The following LARS2 variants were observed in gnomAD, a reference collection of about 807,000 sequenced individuals.
LARS2 encodes the protein leucine--tRNA ligase, mitochondrial.
In LARS2, 81 loss-of-function variants were observed where a neutral mutation model predicts 116.6. The ratio of observed to expected loss-of-function variants is 0.69; its 90% CI spans 0.58 to 0.84. The LOEUF is 0.84. Among genes scored for constraint, LARS2 ranks in the 40% least tolerant of loss-of-function variants. The pLI, the probability that LARS2 is intolerant of heterozygous loss-of-function variation, is 0.00. For synonymous variants in LARS2, 396 were observed against 407.2 expected, an observed-to-expected ratio of 0.97 and a Z score of 0.33; for missense variants, 968 against 1,114.5, an observed-to-expected ratio of 0.87 and a Z score of 1.87.
intron 20 of LARS2, among the ~76,000 whole-genome samples, chr3:45,539,238 T>G (rs1331329477): frequency 6.6e-6 from 1 of 152,170 alleles, no homozygotes; most frequent in Admixed American, 6.6e-5. Context: ...AAGAAAAATC[T>G]TAAACTGATC....
chr3:45,491,254 G>GA (rs1559485952), intron 12 of LARS2, among the ~76,000 whole-genome samples: 1 of 152,034 alleles, frequency 6.6e-6, no homozygotes, highest in Non-Finnish European at 1.5e-5. Context: ...AAAATCAGAA[G>GA]AAAAAAATGA....
At chr3:45,530,939 G>A (rs534217333) in intron 20 of LARS2, among the ~76,000 whole-genome samples, 1 of 152,090 alleles carries the variant, frequency 6.6e-6, no homozygotes, top group African/African-American at 2.4e-5. Context: ...TTGAAATGTG[G>A]TTAAACTTAG....
At chr3:45,485,232 T>A (rs1699784934) in intron 10 of LARS2, among the ~76,000 whole-genome samples, 1 of 152,228 alleles carries the variant, frequency 6.6e-6, no homozygotes, top group African/African-American at 2.4e-5. Context: ...GTAGGAACTC[T>A]TTTGTCTTAG....
chr3:45,402,643 C>T (rs1698172855), intron 4 of LARS2, among the ~76,000 whole-genome samples: 1 of 152,176 alleles, frequency 6.6e-6, no homozygotes, highest in African/African-American at 2.4e-5. Context: ...AAAAGAGGGT[C>T]ACGTTGTAAT....
intron 6 of LARS2, among the ~76,000 whole-genome samples, chr3:45,429,886 G>A (rs901631799): frequency 1.3e-5 from 2 of 151,214 alleles, no homozygotes; most frequent in Admixed American, 1.3e-4. Flanking sequence ...ATTTTTTTTG[G>A]AGATGGGGTT....
intron 6 of LARS2, among the ~76,000 whole-genome samples, chr3:45,440,868 G>A (rs1191748392): frequency 1.3e-5 from 2 of 152,088 alleles, no homozygotes; most frequent in East Asian, 1.9e-4. Context: ...CTTTTTAGTC[G>A]AAAAGCCAAT....
intron 16 of LARS2, among the ~76,000 whole-genome samples, chr3:45,514,730 A>G (rs1407516630): frequency 6.6e-6 from 1 of 152,214 alleles, no homozygotes; most frequent in Non-Finnish European, 1.5e-5. Context: ...ACTTTTTCTA[A>G]CTTCTCAACT....
At chr3:45,481,773 A>G (rs1699707343) in intron 10 of LARS2, among the ~76,000 whole-genome samples, 1 of 152,134 alleles carries the variant, frequency 6.6e-6, no homozygotes, top group Non-Finnish European at 1.5e-5. Context: ...TCAGATACGT[A>G]ATCTACTAAG....
chr3:45,401,755 T>G (rs1434778434), intron 4 of LARS2, among the ~76,000 whole-genome samples: 2 of 152,076 alleles, frequency 1.3e-5, no homozygotes, highest in African/African-American at 4.8e-5. Context: ...GCTGGGACTA[T>G]AGGTGTGTGC....
chr3:45,493,812 T>G (rs1377596341), intron 13 of LARS2, among the ~76,000 whole-genome samples: 1 of 152,098 alleles, frequency 6.6e-6, no homozygotes. Context: ...AACATGTTAG[T>G]TGCCTTCAAG....
chr3:45,390,295 C>CATTTTT (rs1310707102), intron 1 of LARS2, among the ~76,000 whole-genome samples: 1 of 151,866 alleles, frequency 6.6e-6, no homozygotes, highest in African/African-American at 2.4e-5. Context: ...TTCCTTTGCC[C>CATTTTT]ATTTTTATTT....
intron 1 of LARS2, among the ~76,000 whole-genome samples, chr3:45,389,525 C>T (rs1697901660): frequency 6.6e-6 from 1 of 152,216 alleles, no homozygotes; most frequent in Non-Finnish European, 1.5e-5. Context: ...GCACTCCCTC[C>T]TGCCTGTGCA....
At chr3:45,423,657 C>T (rs534186028) in intron 6 of LARS2, among the ~76,000 whole-genome samples, 3 of 152,296 alleles carry the variant, frequency 2.0e-5, no homozygotes, top group African/African-American at 7.2e-5. Context: ...CAATCATATT[C>T]ATAGCAATTA....
chr3:45,420,611 T>C (rs1366114073), intron 6 of LARS2, among the ~76,000 whole-genome samples: 3 of 152,150 alleles, frequency 2.0e-5, no homozygotes, highest in African/African-American at 4.8e-5. Context: ...GTCAAACACA[T>C]TTGAATAAGC....
chr3:45,407,995 T>C (rs1439316176), intron 4 of LARS2, among the ~76,000 whole-genome samples: 1 of 152,236 alleles, frequency 6.6e-6, no homozygotes, highest in Non-Finnish European at 1.5e-5. Context: ...TGAATTCCCA[T>C]ATTCCACCTA....
intron 12 of LARS2, among the ~76,000 whole-genome samples, chr3:45,489,543 G>A (rs1699875165): frequency 6.6e-6 from 1 of 151,798 alleles, no homozygotes; most frequent in Non-Finnish European, 1.5e-5. Flanking sequence ...CTGGTCCAGG[G>A]AACACATTTT....
intron 8 of LARS2, among the ~76,000 whole-genome samples, chr3:45,473,998 C>T (rs555790046): frequency 2.1e-4 from 32 of 152,158 alleles, no homozygotes; most frequent in Middle Eastern, 3.4e-3. Flanking sequence ...TTCTTCTTTC[C>T]GTGAAACCGT....
At chr3:45,446,795 T>A in intron 6 of LARS2, 96 bp from the exon 7 acceptor site, 2 of 658,728 alleles carry the variant, frequency 3.0e-6, no homozygotes, top group Non-Finnish European at 5.2e-6. Flanking sequence ...TTTTTGTGAT[T>A]TCATTACTTT....
chr3:45,403,734 G>A (rs2125677888), intron 4 of LARS2, among the ~76,000 whole-genome samples: 1 of 152,190 alleles, frequency 6.6e-6, no homozygotes, highest in Non-Finnish European at 1.5e-5. Flanking sequence ...AAAGGAACTG[G>A]TACCCTTGCA....
Sources: gnomAD v4.1 joint callset for allele counts (sites outside exome capture counted in the v4.1 genomes callset) on GRCh38, gnomAD v4.1.1 for gene constraint, MANE v1.5 for transcripts, NCBI Gene and HGNC (gene_info 2026-07-23, HGNC 2026-07-21) for gene names.